Variants in HAT1 observed in about 807,000 individuals in gnomAD.
The protein encoded by HAT1 is histone acetyltransferase 1, also known as histone acetyltransferase type B catalytic subunit.
HAT1 carries 20 observed loss-of-function variants against 56.6 expected under a neutral mutation model. The ratio of observed to expected loss-of-function variants is 0.35; its 90% confidence interval spans 0.25 to 0.51. HAT1 has a LOEUF of 0.51. HAT1 is among the 20% of genes least tolerant of loss of function. HAT1 has a pLI of 0.95. For synonymous variants in HAT1, 146 were observed against 165.5 expected (o/e 0.88, Z 0.91); for missense variants, 408 against 504.3 (o/e 0.81, Z 1.83).
intron 3 of HAT1, among the ~76,000 whole-genome samples, chr2:171,948,474 T>C (rs1286963135): frequency 6.6e-6 from 1 of 152,216 alleles, no homozygotes; most frequent in Non-Finnish European, 1.5e-5. Context: ...ATCACCCACC[T>C]TGGCCTCCTG....
chr2:171,947,974 T>A (rs991280843), intron 3 of HAT1, among the ~76,000 whole-genome samples: 3 of 152,144 alleles, frequency 2.0e-5, no homozygotes, highest in Non-Finnish European at 2.9e-5. Flanking sequence ...GTTACTTTTT[T>A]AAAAAAAACT....
intron 2 of HAT1, among the ~76,000 whole-genome samples, chr2:171,933,527 CA>C (rs879545426): frequency 1.4e-3 from 191 of 133,234 alleles, no homozygotes; most frequent in Middle Eastern, 3.7e-3. Flanking sequence ...GACTCTGTCT[CA>C]AAAAAAAAAA....
At chr2:171,936,060 A>G (rs898599325) in intron 2 of HAT1, among the ~76,000 whole-genome samples, 2 of 152,190 alleles carry the variant, frequency 1.3e-5, no homozygotes, top group African/African-American at 2.4e-5. Context: ...AGTAAAGACA[A>G]AATTCTTGGG....
At chr2:171,954,068 C>T (rs906767603) in intron 4 of HAT1, among the ~76,000 whole-genome samples, 2 of 152,214 alleles carry the variant, frequency 1.3e-5, no homozygotes, top group Non-Finnish European at 2.9e-5. Flanking sequence ...CCTGTCATTA[C>T]AGTTAATCCT....
intron 4 of HAT1, among the ~76,000 whole-genome samples, chr2:171,956,178 T>TTA (rs1687440896): frequency 1.1e-5 from 1 of 92,850 alleles, no homozygotes; most frequent in Non-Finnish European, 2.1e-5. Context: ...ACCCTGTCTT[T>TTA]AAAAAAAAAA....
intron 2 of HAT1, among the ~76,000 whole-genome samples, chr2:171,934,754 GTTTTT>G (rs71013091): frequency 7.8e-6 from 1 of 128,406 alleles, no homozygotes; most frequent in Admixed American, 8.3e-5. Flanking sequence ...ACTAGAGTGG[GTTTTT>G]TTTTTTTTTT....
intron 2 of HAT1, among the ~76,000 whole-genome samples, chr2:171,940,030 A>G (rs1313360677): frequency 1.3e-5 from 2 of 152,134 alleles, no homozygotes; most frequent in Admixed American, 6.6e-5. Flanking sequence ...TCAGCCTCCA[A>G]AAGTGCTGGG....
At chr2:171,926,826 ATGTT>A (rs1291016743) in intron 2 of HAT1, among the ~76,000 whole-genome samples, 1 of 152,242 alleles carries the variant, frequency 6.6e-6, no homozygotes, top group African/African-American at 2.4e-5. Context: ...ATGAAAATGT[ATGTT>A]CACGCAAAAA....
At chr2:171,935,420 C>T (rs1686848474) in intron 2 of HAT1, among the ~76,000 whole-genome samples, 2 of 138,708 alleles carry the variant, frequency 1.4e-5, no homozygotes, top group South Asian at 4.4e-4. Flanking sequence ...GAGACTGAGG[C>T]AAGAGAATCG....
At chr2:171,970,402 C>A (rs1357758664) in intron 8 of HAT1, among the ~76,000 whole-genome samples, 42 of 146,100 alleles carry the variant, frequency 2.9e-4, no homozygotes, top group Non-Finnish European at 2.4e-4. Context: ...GACTCTGTCT[C>A]AAAAAAACAC....
At chr2:171,966,008 T>C in intron 6 of HAT1, 100 bp downstream of exon 6, 1 of 1,095,724 alleles carries the variant, frequency 9.1e-7, no homozygotes. Flanking sequence ...ATGATATTTT[T>C]CCCAGGAAAG....
intron 3 of HAT1, among the ~76,000 whole-genome samples, chr2:171,951,603 T>TGG (rs1491377909): frequency 5.5e-4 from 83 of 150,676 alleles, no homozygotes; most frequent in African/African-American, 1.9e-3. Context: ...TTTTTTTTTT[T>TGG]TGTAGTTTTA....
At chr2:171,967,432 G>A (rs879063698) in intron 8 of HAT1, among the ~76,000 whole-genome samples, 1 of 152,104 alleles carries the variant, frequency 6.6e-6, no homozygotes, top group Admixed American at 6.5e-5. Context: ...AGTAGATAAG[G>A]TGAAATGTAG....
chr2:171,962,809 C>G (rs759215480), intron 4 of HAT1, among the ~76,000 whole-genome samples: 20 of 152,098 alleles, frequency 1.3e-4, no homozygotes, highest in Admixed American at 1.2e-3. Context: ...GAATAATGCT[C>G]TGGAATACAG....
intron 2 of HAT1, among the ~76,000 whole-genome samples, chr2:171,938,074 C>T (rs939077228): frequency 1.5e-5 from 2 of 135,822 alleles, no homozygotes; most frequent in African/African-American, 5.6e-5. Context: ...CTCTCTCTCT[C>T]TTTAAATGAA....
intron 2 of HAT1, among the ~76,000 whole-genome samples, chr2:171,941,215 T>C (rs1315303990): frequency 1.3e-5 from 2 of 151,998 alleles, no homozygotes; most frequent in Non-Finnish European, 2.9e-5. Context: ...TTTTTTGTTG[T>C]TGTTTTGTTT....
intron 7 of HAT1, 118 bp downstream of exon 7, chr2:171,966,631 G>A: frequency 1.5e-6 from 1 of 673,946 alleles, no homozygotes; most frequent in Non-Finnish European, 2.7e-6. Context: ...TATTATTCAT[G>A]GGCTATGTAC....
chr2:171,934,947 G>T (rs1016433145), intron 2 of HAT1, among the ~76,000 whole-genome samples: 7 of 151,292 alleles, frequency 4.6e-5, no homozygotes, highest in African/African-American at 1.7e-4. Flanking sequence ...GTAGAGGCGG[G>T]GTTTCGCCAT....
intron 3 of HAT1, among the ~76,000 whole-genome samples, chr2:171,947,201 T>G (rs1460846445): frequency 6.6e-6 from 1 of 152,136 alleles, no homozygotes; most frequent in Non-Finnish European, 1.5e-5. Context: ...ATAGAAAGCT[T>G]AAGTTGTTAT....
Sources: gnomAD v4.1 joint callset for allele counts (sites outside exome capture counted in the v4.1 genomes callset) on GRCh38, gnomAD v4.1.1 for gene constraint, MANE v1.5 for transcripts, NCBI Gene and HGNC (gene_info 2026-07-23, HGNC 2026-07-21) for gene names.